Variants in BMAL1 observed in about 807,000 individuals in gnomAD.
The protein encoded by BMAL1 is basic helix-loop-helix ARNT like 1.
At chr11:13,291,790 A>G in the BMAL1 span, among the ~76,000 whole-genome samples, 1 of 29,962 alleles carries the variant, frequency 3.3e-5, no homozygotes, top group African/African-American at 8.1e-5. Flanking sequence ...TTGTTGTGTT[A>G]GGTTTAATTG....
chr11:13,327,211 T>G, the BMAL1 span, among the ~76,000 whole-genome samples: 1 of 149,038 alleles, frequency 6.7e-6, no homozygotes, highest in African/African-American at 2.5e-5. Context: ...CTGGGCAACA[T>G]AGCAAGACCA....
the BMAL1 span, among the ~76,000 whole-genome samples, chr11:13,322,429 T>C: frequency 6.6e-6 from 1 of 152,238 alleles, no homozygotes; most frequent in Non-Finnish European, 1.5e-5. Context: ...TATTAGTGCT[T>C]CAATGACAGC....
At chr11:13,348,778 G>C in the BMAL1 span, among the ~76,000 whole-genome samples, 5 of 152,210 alleles carry the variant, frequency 3.3e-5, no homozygotes, top group Non-Finnish European at 7.4e-5. Context: ...GAGCGTTCCT[G>C]AATCAGACTG....
the BMAL1 span, among the ~76,000 whole-genome samples, chr11:13,288,260 C>G: frequency 2.6e-5 from 4 of 152,136 alleles, no homozygotes; most frequent in East Asian, 7.7e-4. Context: ...AGTGACTTGC[C>G]TAAAGTGACA....
the BMAL1 span, chr11:13,369,895 A>G: frequency 8.7e-7 from 1 of 1,144,938 alleles, no homozygotes; most frequent in Non-Finnish European, 1.2e-6. Context: ...GACTGCAGAC[A>G]GGACCCTGCA....
the BMAL1 span, among the ~76,000 whole-genome samples, chr11:13,309,212 G>T: frequency 1.3e-5 from 2 of 152,126 alleles, no homozygotes; most frequent in African/African-American, 4.8e-5. Flanking sequence ...GTAGATGGAG[G>T]TAATGTGGAG....
chr11:13,351,331 G>T, the BMAL1 span, among the ~76,000 whole-genome samples: 7 of 152,170 alleles, frequency 4.6e-5, no homozygotes, highest in African/African-American at 1.7e-4. Context: ...CTAGGTTTGG[G>T]GCCTGGCAAC....
chr11:13,363,335 C>A, the BMAL1 span, among the ~76,000 whole-genome samples: 2 of 152,036 alleles, frequency 1.3e-5, no homozygotes, highest in Non-Finnish European at 2.9e-5. Flanking sequence ...GATTATCATG[C>A]TATCTCAGCT....
the BMAL1 span, chr11:13,366,908 T>TG: frequency 1.7e-6 from 1 of 572,896 alleles, no homozygotes. Context: ...GTCCTCTTTC[T>TG]GGGGCACCAG....
the BMAL1 span, among the ~76,000 whole-genome samples, chr11:13,327,318 C>T: frequency 5.9e-5 from 9 of 152,260 alleles, no homozygotes; most frequent in South Asian, 1.2e-3. Context: ...TACTATGCGC[C>T]GGACATTGTG....
the BMAL1 span, among the ~76,000 whole-genome samples, chr11:13,363,127 CATATATATATATATATAT>C: frequency 0.013 from 1,376 of 109,918 alleles, 26 homozygotes; most frequent in African/African-American, 0.042. Context: ...GTCTTTATTT[CATATATATATATATATAT>C]ATATATATAT....
chr11:13,354,027 C>T, the BMAL1 span, among the ~76,000 whole-genome samples: 6 of 152,260 alleles, frequency 3.9e-5, 1 homozygote, highest in South Asian at 1.2e-3. Context: ...TGCTCAGCTT[C>T]TCTAGGCTTT....
At chr11:13,360,313 G>A in the BMAL1 span, 7 of 1,577,666 alleles carry the variant, frequency 4.4e-6, no homozygotes, top group South Asian at 1.1e-5. Flanking sequence ...TGAATATCAA[G>A]TATACCAATT....
At chr11:13,315,595 G>A in the BMAL1 span, among the ~76,000 whole-genome samples, 2 of 152,118 alleles carry the variant, frequency 1.3e-5, no homozygotes, top group African/African-American at 4.8e-5. Flanking sequence ...GTGGGTTTAC[G>A]CTCTGACCCT....
At chr11:13,355,304 A>T in the BMAL1 span, 8 of 1,613,732 alleles carry the variant, frequency 5.0e-6, no homozygotes, top group Non-Finnish European at 6.8e-6. Flanking sequence ...TATGTAAGTT[A>T]TCCCAGATGA....
the BMAL1 span, among the ~76,000 whole-genome samples, chr11:13,349,580 C>T: frequency 6.6e-6 from 1 of 152,206 alleles, no homozygotes; most frequent in Admixed American, 6.5e-5. Context: ...TCACACTCAA[C>T]AAGTTTTCAC....
chr11:13,386,193 T>C, the BMAL1 span, among the ~76,000 whole-genome samples: 9 of 152,256 alleles, frequency 5.9e-5, no homozygotes. Flanking sequence ...CCCTGGGCTT[T>C]CTAGATCTGT....
At chr11:13,309,178 G>C in the BMAL1 span, among the ~76,000 whole-genome samples, 1 of 152,138 alleles carries the variant, frequency 6.6e-6, no homozygotes, top group Non-Finnish European at 1.5e-5. Context: ...GGGATATGAT[G>C]TTTGAAATGG....
chr11:13,376,875 T>C, the BMAL1 span: 2 of 675,252 alleles, frequency 3.0e-6, no homozygotes, highest in Non-Finnish European at 4.9e-6. Context: ...GATTTCCCCA[T>C]GAATGCAGAG....
Sources: gnomAD v4.1 joint callset for allele counts (sites outside exome capture counted in the v4.1 genomes callset) on GRCh38, gnomAD v4.1.1 for gene constraint, MANE v1.5 for transcripts, NCBI Gene and HGNC (gene_info 2026-07-23, HGNC 2026-07-21) for gene names.